The following MYO15B variants were observed in gnomAD, a reference collection of about 807,000 sequenced individuals.
MYO15B encodes the protein myosin XVB pseudogene.
In MYO15B, 207 loss-of-function variants were observed where a neutral mutation model predicts 119.3. That is an observed-to-expected ratio of 1.73 (90% confidence interval 1.55 to 1.95). The LOEUF (loss-of-function observed/expected upper bound fraction) is 1.95. MYO15B is among the 30% of genes most tolerant of loss of function. MYO15B has a pLI of 0.00. For synonymous variants in MYO15B, 966 were observed against 498.9 expected, an observed-to-expected ratio of 1.94 and a Z score of -12.48; for missense variants, 2,264 against 1,203.1, an observed-to-expected ratio of 1.88 and a Z score of -13.04.
intron 25 of MYO15B, 39 bp downstream of exon 25, chr17:75,612,055 C>G (rs1489284148): frequency 4.3e-6 from 3 of 699,764 alleles, no homozygotes; most frequent in East Asian, 5.4e-5. Context: ...CTGGCCTCAC[C>G]GCTCTGAGTT....
rs60489681 is a variant in MYO15B at position 75,599,279 on chromosome 17, A to ATTT, written c.3526-2146_3526-2144dup. Among the ~76,000 whole-genome samples the ATTT allele has an allele frequency of 9.7e-4, 137 of 140,862 alleles. 3 individuals are homozygous for ATTT. In the South Asian group the frequency reaches 0.019, roughly 20 times the overall value. 92.4% of individuals were successfully genotyped at this position (140,862 alleles called of 152,430 possible). A position where few individuals can be genotyped will look rare whatever the true frequency, so the allele number is the denominator to read the frequency against. On this transcript the variant is annotated intron_variant, in intron 14 of 63. Coordinates refer to ENST00000645453, the Ensembl canonical transcript of MYO15B. ...CCAACTGAGTTACTTTTTGAAAGTG[A>ATTT]TTTTTTTTTTTTTTTGAGACAGAGT... is the stretch of plus-strand genomic sequence containing the variant.
At chr17:75,612,141 CTG>C (rs2058068416) in intron 25 of MYO15B, 125 bp downstream of exon 25, 1 of 633,164 alleles carries the variant, frequency 1.6e-6, no homozygotes. Flanking sequence ...GCCTTTGGGG[CTG>C]TGAGTAGCGC....
exon 1 of MYO15B, chr17:75,588,305 GGCTGTC>G (rs2056191052): frequency 2.5e-6 from 1 of 398,266 alleles, no homozygotes; most frequent in African/African-American, 2.1e-5. Context: ...CCAGGGGCTG[GGCTGTC>G]CCCGAAAGCC....
chr17:75,618,969 C>T (rs1813937700), intron 43 of MYO15B, 174 bp from the exon 44 acceptor site: 1 of 607,126 alleles, frequency 1.6e-6, no homozygotes, highest in Non-Finnish European at 2.9e-6. Context: ...TGGAGGTGGC[C>T]CAAGCCCTCC....
chr17:75,614,207 A>G, exon 30 of MYO15B: 1 of 699,400 alleles, frequency 1.4e-6, no homozygotes, highest in Non-Finnish European at 2.6e-6. Flanking sequence ...AGAGGCCTGG[A>G]GGCGCCTCCC....
Position 75,611,663 on chromosome 17 carries a change from G to C in MYO15B, c.4504+5G>C, listed in dbSNP as rs2058037283. On this transcript the variant is annotated splice_donor_5th_base_variant and intron_variant, in intron 24 of 63. Transcript: ENST00000645453. ...TCATGCTGAAGACGGCGGAAAGTGA[G>C]TCTTGTTGGTGTCCTCTTGTTAGGA... The C allele has an allele frequency of 1.4e-6, 1 of 702,806 alleles. No homozygotes were observed. The allele number at this position is 702,806 out of a possible 1,614,324, so 43.5% of individuals were successfully genotyped here. A position where few individuals can be genotyped will look rare whatever the true frequency, so the allele number is the denominator to read the frequency against.
At chr17:75,617,161 C>T (rs1344706628) in exon 41 of MYO15B, 13 of 687,998 alleles carry the variant, frequency 1.9e-5, no homozygotes, top group Non-Finnish European at 2.9e-5. Context: ...CAGCTTGGGC[C>T]CTCTAGCTCC....
chr17:75,593,058 G>C (rs887587578), intron 9 of MYO15B: 3 of 511,028 alleles, frequency 5.9e-6, no homozygotes, highest in Admixed American at 7.1e-5. Flanking sequence ...AAGAACATCT[G>C]GCATTAGATG....
At chr17:75,619,404 C>A in exon 45 of MYO15B, 2 of 702,704 alleles carry the variant, frequency 2.8e-6, no homozygotes, top group Non-Finnish European at 5.2e-6. Flanking sequence ...CCGAAGACAG[C>A]GTCAAGAAGC....
intron 53 of MYO15B, among the ~76,000 whole-genome samples, chr17:75,623,033 G>C (rs148697412): frequency 3.5e-5 from 5 of 142,062 alleles, no homozygotes; most frequent in African/African-American, 1.4e-4. Flanking sequence ...AGATGAGTAA[G>C]AGATCAGAGA....
chr17:75,599,768 G>A (rs1042259313), intron 14 of MYO15B, among the ~76,000 whole-genome samples: 23 of 150,886 alleles, frequency 1.5e-4, no homozygotes, highest in African/African-American at 5.1e-4. Flanking sequence ...GGTGGCGGGT[G>A]CCTGTAGTCC....
rs767113153 is a variant in MYO15B at position 75,625,943 on chromosome 17, G to A, written c.9038G>A (p.Arg3013His). The A allele has an allele frequency of 5.6e-5, 39 of 702,498 alleles. 2 individuals are homozygous for A. Among genetic ancestry groups the A allele is most frequent in the South Asian group, 5.0e-4 (34 of 67,574 alleles). 43.5% of individuals were successfully genotyped at this position (702,498 alleles called of 1,614,324 possible). Residue 3013 changes from arginine (R) to histidine (H), a missense_variant, in exon 62 of 64, where the codon CGC becomes CAC. Transcript: ENST00000645453. ...GGACCCACTCTCCTGGGGCTCAACC[G>A]CCAGCATCTCATCCTCATGGACCCC...
At position 75,596,424 on chromosome 17, in the gene MYO15B, G is replaced by T. The variant is rs1022837328; in HGVS notation, c.3298-36G>T. The stretch of plus-strand genomic sequence containing the variant: ...GCCTCTGGGGTGGGGGGAGGGCACA[G>T]CCCCATGTGCCCACCTCACTGCCAC... On this transcript the variant is annotated intron_variant, in intron 12 of 63. Transcript: ENST00000645453. 6 of 702,554 alleles carry T rather than the reference G, an allele frequency of 8.5e-6. No homozygotes were observed. In the South Asian group the frequency reaches 8.9e-5, roughly 10 times the overall value. 43.5% of individuals were successfully genotyped at this position (702,554 alleles called of 1,614,324 possible). A position where few individuals can be genotyped will look rare whatever the true frequency, so the allele number is the denominator to read the frequency against.
intron 19 of MYO15B, among the ~76,000 whole-genome samples, chr17:75,604,043 G>C (rs1009050707): frequency 6.6e-6 from 1 of 152,198 alleles, no homozygotes; most frequent in Non-Finnish European, 1.5e-5. Context: ...TCCTTAGCCT[G>C]TGATGGCCTT....
At chr17:75,607,111 A>G in intron 21 of MYO15B, 1 of 395,050 alleles carries the variant, frequency 2.5e-6, no homozygotes, top group Non-Finnish European at 4.5e-6. Context: ...TCGAGGGCTG[A>G]GAATGAAGTG....
At chr17:75,600,611 G>GTTTGTCTTTTTTTTT (rs2057212044) in intron 14 of MYO15B, 1 of 135,792 alleles carries the variant, frequency 7.4e-6, no homozygotes, top group Non-Finnish European at 1.6e-5. Flanking sequence ...TTGAGACGGA[G>GTTTGTCTTTTTTTTT]TTTGGTTCTT....
chr17:75,598,790 G>A (rs960347313), intron 14 of MYO15B, among the ~76,000 whole-genome samples: 1 of 152,012 alleles, frequency 6.6e-6, no homozygotes, highest in Non-Finnish European at 1.5e-5. Flanking sequence ...ATTTCATAAT[G>A]TTTTGTTAAA....
At chr17:75,624,700 T>C (rs2058920262) in intron 58 of MYO15B, 61 bp downstream of exon 58, 1 of 702,728 alleles carries the variant, frequency 1.4e-6, no homozygotes, top group African/African-American at 1.7e-5. Flanking sequence ...TGAGGTGGTT[T>C]GGTTTCTGCT....
rs1301024081 is a variant in MYO15B, at chr17:75,592,098, AGGG to A, written c.2651+21_2651+23del. On this transcript the variant is annotated intron_variant, in intron 6 of 63. Coordinates refer to ENST00000645453, the Ensembl canonical transcript of MYO15B. ...CTACAGCAGTGAGTGGCAGGGTTGC[AGGG>A]GGCACCTACAATCACTTACCCTTCC... 1.4e-6 allele frequency: 1 copy of A among 702,564 alleles called. No homozygotes were observed. The highest frequency in any genetic ancestry group is 1.7e-5 in the African/African-American group (1 of 57,246). 43.5% of individuals were successfully genotyped at this position (702,564 alleles called of 1,614,324 possible).
Sources: gnomAD v4.1 joint callset for allele counts (sites outside exome capture counted in the v4.1 genomes callset) on GRCh38, gnomAD v4.1.1 for gene constraint, MANE v1.5 for transcripts, NCBI Gene and HGNC (gene_info 2026-07-23, HGNC 2026-07-21) for gene names.